DIAPH2: variants seen among roughly 807,000 people sequenced by gnomAD.
The protein encoded by DIAPH2 is protein diaphanous homolog 2.
In DIAPH2, 35 loss-of-function variants were observed where a neutral mutation model predicts 92.7. The observed-to-expected ratio is 0.38, with a 90% CI of 0.29 to 0.50. DIAPH2 has a LOEUF of 0.50. Ranked by LOEUF, DIAPH2 falls within the 20% of genes least tolerant of loss-of-function variation. The pLI, the probability that DIAPH2 is intolerant of heterozygous loss-of-function variation, is 0.94. For synonymous variants in DIAPH2, 301 were observed against 280.4 expected, an observed-to-expected ratio of 1.07 and a Z score of -0.73; for missense variants, 701 against 819.5, an observed-to-expected ratio of 0.86 and a Z score of 1.77.
At chrX:96,963,743 A>G (rs2065878597) in intron 16 of DIAPH2, among the ~76,000 whole-genome samples, 1 of 111,303 alleles carries the variant, frequency 9.0e-6, no homozygotes, top group African/African-American at 3.3e-5. Flanking sequence ...GTGTTTTTAC[A>G]TGTTGTGATT....
chrX:97,069,562 G>A (rs2066655906), intron 17 of DIAPH2, among the ~76,000 whole-genome samples: 1 of 111,481 alleles, frequency 9.0e-6, no homozygotes, highest in Non-Finnish European at 1.9e-5. Context: ...CATGCAGTAT[G>A]AGTAGATATT....
At chrX:97,114,471 T>A (rs1438603655) in intron 20 of DIAPH2, among the ~76,000 whole-genome samples, 1 of 112,376 alleles carries the variant, frequency 8.9e-6, no homozygotes, top group African/African-American at 3.2e-5. Flanking sequence ...ATATAGCAAC[T>A]GTTCAGCTTC....
At chrX:96,832,933 T>A (rs900363550) in intron 4 of DIAPH2, among the ~76,000 whole-genome samples, 5 of 111,955 alleles carry the variant, frequency 4.5e-5, no homozygotes, top group African/African-American at 1.6e-4. Flanking sequence ...TATTTGTGTA[T>A]GATTTGCGAA....
intron 5 of DIAPH2, among the ~76,000 whole-genome samples, chrX:96,898,624 T>G (rs1017934592): frequency 9.2e-6 from 1 of 108,215 alleles, no homozygotes; most frequent in Non-Finnish European, 1.9e-5. Flanking sequence ...ATTCTGGATA[T>G]TAGCCCTTTG....
At chrX:97,401,970 G>A (rs1011923815) in intron 25 of DIAPH2, among the ~76,000 whole-genome samples, 9 of 112,604 alleles carry the variant, frequency 8.0e-5, no homozygotes, top group African/African-American at 2.6e-4. Flanking sequence ...TTGCAAATGA[G>A]AGGCTTGTCC....
At chrX:96,929,569 G>A (rs1193153974) in intron 9 of DIAPH2, among the ~76,000 whole-genome samples, 1 of 110,795 alleles carries the variant, frequency 9.0e-6, no homozygotes, top group African/African-American at 3.3e-5. Context: ...CAAAAGTAAA[G>A]CATACCTTTT....
chrX:96,963,496 C>T lies in DIAPH2; in HGVS notation c.1936-1597C>T, dbSNP rs1452512456. 2.7e-5 allele frequency among the ~76,000 whole-genome samples: 3 copies of T among 111,746 alleles called. No individual in the cohort carries two copies. The East Asian group carries it at 8.4e-4, about 31-fold the overall frequency. ...AGCAATGCCATTGCACACACTGCAG[C>T]TCGCTTTGTATACTAAAGACTAGTT... is the stretch of plus-strand genomic sequence containing the variant. On this transcript the variant is annotated intron_variant, in intron 16 of 26. Transcript: ENST00000324765.
chrX:97,279,220 C>T (rs1281263713), intron 23 of DIAPH2, among the ~76,000 whole-genome samples: 1 of 110,163 alleles, frequency 9.1e-6, no homozygotes, highest in Non-Finnish European at 1.9e-5. Context: ...CATGTAAGAA[C>T]TTATTTTTCT....
intron 4 of DIAPH2, among the ~76,000 whole-genome samples, chrX:96,807,944 CAAAAAAAAAAAAAAAAAAAAAAAAAA>C (rs541681495): frequency 6.9e-4 from 10 of 14,489 alleles, no homozygotes; most frequent in Admixed American, 1.4e-3. Flanking sequence ...GTAGAAATAG[CAAAAAAAAAAAAAAAAAAAAAAAAAA>C]AAAAAAAAAA....
chrX:97,485,274 A>AT (rs1232542737), intron 26 of DIAPH2, among the ~76,000 whole-genome samples: 25 of 109,823 alleles, frequency 2.3e-4, no homozygotes, highest in African/African-American at 5.6e-4. Flanking sequence ...AGATCACTAG[A>AT]TTTTTTTTTT....
At chrX:97,577,502 A>C (rs903891355) in intron 26 of DIAPH2, among the ~76,000 whole-genome samples, 7 of 112,239 alleles carry the variant, frequency 6.2e-5, no homozygotes, top group African/African-American at 2.3e-4. Flanking sequence ...AGTTTGTGCT[A>C]TTGGAGTCGA....
chrX:97,153,673 T>C (rs1002219782), intron 22 of DIAPH2, among the ~76,000 whole-genome samples: 1 of 112,133 alleles, frequency 8.9e-6, no homozygotes, highest in Non-Finnish European at 1.9e-5. Context: ...ATGATTTTAT[T>C]AATTTTAGTT....
At chrX:97,186,329 T>A (rs191148013) in intron 22 of DIAPH2, among the ~76,000 whole-genome samples, 8 of 111,955 alleles carry the variant, frequency 7.1e-5, no homozygotes, top group African/African-American at 2.6e-4. Flanking sequence ...CTCCTACTGG[T>A]TGACACCAAT....
chrX:96,916,285 GAC>G (rs1484189135), intron 7 of DIAPH2, among the ~76,000 whole-genome samples, 151 bp from the exon 8 acceptor site: 1 of 110,933 alleles, frequency 9.0e-6, no homozygotes, highest in Non-Finnish European at 1.9e-5. Flanking sequence ...AAAAAACAAA[GAC>G]AGATAACTGC....
intron 26 of DIAPH2, among the ~76,000 whole-genome samples, chrX:97,486,838 A>ATTGTAT (rs200455546): frequency 0.033 from 3,724 of 112,147 alleles, 64 homozygotes; most frequent in Admixed American, 0.044. Flanking sequence ...TGTTAACTAT[A>ATTGTAT]GGCACTATGC....
At chrX:96,688,182 G>A (rs2063781326) in intron 1 of DIAPH2, among the ~76,000 whole-genome samples, 1 of 111,923 alleles carries the variant, frequency 8.9e-6, no homozygotes, top group African/African-American at 3.2e-5. Context: ...TGACCTAACA[G>A]TATTTGATGT....
intron 4 of DIAPH2, among the ~76,000 whole-genome samples, chrX:96,780,724 C>T (rs1297209381): frequency 9.1e-6 from 1 of 110,069 alleles, no homozygotes; most frequent in East Asian, 2.9e-4. Context: ...CCTCGTGATC[C>T]GCCCGCCTCA....
intron 23 of DIAPH2, among the ~76,000 whole-genome samples, chrX:97,336,789 G>A (rs374856226): frequency 9.0e-6 from 1 of 111,425 alleles, no homozygotes; most frequent in Non-Finnish European, 1.9e-5. Flanking sequence ...CTCTGTCTTC[G>A]AAGGAAGGAT....
chrX:97,499,705 C>T (rs1293603952), intron 26 of DIAPH2, among the ~76,000 whole-genome samples: 1 of 112,161 alleles, frequency 8.9e-6, no homozygotes, highest in East Asian at 2.8e-4. Flanking sequence ...CCTAAATATC[C>T]ATCAACAGTT....
Sources: allele counts gnomAD v4.1 joint callset (sites outside exome capture counted in the v4.1 genomes callset), GRCh38; gene constraint gnomAD v4.1.1; transcripts MANE v1.5; gene names NCBI Gene and HGNC (gene_info 2026-07-23, HGNC 2026-07-21).